The following FAF1 variants were observed in gnomAD, a reference collection of about 807,000 sequenced individuals.
FAF1 encodes Fas associated factor 1.
FAF1 carries 25 observed loss-of-function variants against 92.5 expected under a neutral mutation model. That is an observed-to-expected ratio of 0.27 (90% CI 0.20 to 0.38). The LOEUF is 0.38. Ranked by LOEUF, FAF1 falls within the 10% of genes least tolerant of loss-of-function variation. The probability of loss-of-function intolerance (pLI) is 1.00; values close to 1 mark genes in which losing one functional copy is unlikely to be tolerated. For missense variants in FAF1, 636 were observed against 793.3 expected (o/e 0.80, Z 2.38); for synonymous variants, 234 against 273.2 (o/e 0.86, Z 1.42).
chr1:50,622,033 G>A (rs1653236765), intron 8 of FAF1, among the ~76,000 whole-genome samples: 1 of 152,008 alleles, frequency 6.6e-6, no homozygotes, highest in African/African-American at 2.4e-5. Context: ...GGGCATGGTG[G>A]CAGGTGCCTG....
intron 6 of FAF1, among the ~76,000 whole-genome samples, chr1:50,724,608 C>T (rs1210382491): frequency 1.3e-5 from 2 of 152,226 alleles, no homozygotes; most frequent in Non-Finnish European, 1.5e-5. Flanking sequence ...CATGATGATT[C>T]TCCCCACAAG....
intron 4 of FAF1, among the ~76,000 whole-genome samples, chr1:50,762,822 A>G (rs909093297): frequency 6.6e-6 from 1 of 152,154 alleles, no homozygotes; most frequent in African/African-American, 2.4e-5. Context: ...TGGCAACAAA[A>G]GCCAAAATTG....
In FAF1 at chr1:50,441,287, T is replaced by C. The variant is rs1646163478; in HGVS notation, c.*153A>G. The C allele has an allele frequency of 1.9e-6, 1 of 537,794 alleles. No individual in the cohort carries two copies. Among genetic ancestry groups the C allele is most frequent in the African/African-American group, 1.9e-5 (1 of 52,012 alleles). 33.3% of individuals were successfully genotyped at this position (537,794 alleles called of 1,614,324 possible). On this transcript the variant is annotated 3_prime_UTR_variant, in exon 19 of 19. Transcript: ENST00000396153. ...GGATGGGAAATCTTAAGTAGCTATA[T>C]TTATTATTACTTTTTCCAGCAATTT...
chr1:50,575,119 A>G (rs1358702100), intron 12 of FAF1, among the ~76,000 whole-genome samples: 1 of 152,066 alleles, frequency 6.6e-6, no homozygotes, highest in Non-Finnish European at 1.5e-5. Context: ...CGTGTTAGCC[A>G]GGATGATCTT....
chr1:50,955,391 G>T (rs1372348749), intron 1 of FAF1, among the ~76,000 whole-genome samples: 1 of 152,206 alleles, frequency 6.6e-6, no homozygotes, highest in East Asian at 1.9e-4. Flanking sequence ...AACTGTAGGT[G>T]TACTACTCTA....
chr1:50,863,881 G>A (rs1032916387), intron 1 of FAF1, among the ~76,000 whole-genome samples: 3 of 152,028 alleles, frequency 2.0e-5, no homozygotes, highest in Non-Finnish European at 4.4e-5. Context: ...CAATTTCAGA[G>A]CCTGTTATTG....
intron 9 of FAF1, among the ~76,000 whole-genome samples, chr1:50,593,812 T>G (rs1284183752): frequency 6.6e-6 from 1 of 152,130 alleles, no homozygotes. Flanking sequence ...TAACTCCATT[T>G]CTCTTTCACA....
At chr1:50,863,315 A>C (rs111779227) in intron 1 of FAF1, among the ~76,000 whole-genome samples, 10,041 of 152,010 alleles carry the variant, frequency 0.066, 409 homozygotes, top group East Asian at 0.094. Flanking sequence ...ATTTGAACTT[A>C]ACAATAATAA....
At chr1:50,920,324 A>G (rs1431162186) in intron 1 of FAF1, among the ~76,000 whole-genome samples, 2 of 151,824 alleles carry the variant, frequency 1.3e-5, no homozygotes, top group East Asian at 3.9e-4. Flanking sequence ...AAAAGTAAAG[A>G]AAGAAAATAT....
chr1:50,911,222 C>T (rs1002677707), intron 1 of FAF1, among the ~76,000 whole-genome samples: 1 of 151,468 alleles, frequency 6.6e-6, no homozygotes, highest in African/African-American at 2.4e-5. Flanking sequence ...ACAGGCCACA[C>T]CACCATACCC....
At chr1:50,958,790 T>C (rs1398939065) in intron 1 of FAF1, among the ~76,000 whole-genome samples, 1 of 152,204 alleles carries the variant, frequency 6.6e-6, no homozygotes, top group African/African-American at 2.4e-5. Context: ...ACTAAGCTAG[T>C]GTTAGAACCT....
intron 1 of FAF1, among the ~76,000 whole-genome samples, chr1:50,885,920 G>A (rs1644658436): frequency 6.6e-6 from 1 of 151,936 alleles, no homozygotes; most frequent in African/African-American, 2.4e-5. Flanking sequence ...ATCTTAAGCG[G>A]ATAACAACTT....
rs190454505 is a variant in FAF1 at position 50,634,229 on chromosome 1, C to T, written c.744+21213G>A. Among the ~76,000 whole-genome samples the T allele has an allele frequency of 1.2e-3, 184 of 152,038 alleles. 1 individual carries two copies. Among genetic ancestry groups the T allele is most frequent in the Middle Eastern group, 6.8e-3 (2 of 292 alleles). The stretch of plus-strand genomic sequence containing the variant: ...CAATTAAACACAGTTGTAAGCACCC[C>T]TCTATTTTTGCACATCAAAAAAAAA... On this transcript the variant is annotated intron_variant, in intron 8 of 18. Transcript: ENST00000396153.
intron 8 of FAF1, among the ~76,000 whole-genome samples, chr1:50,621,956 G>A (rs182880654): frequency 6.6e-6 from 1 of 152,074 alleles, no homozygotes; most frequent in Non-Finnish European, 1.5e-5. Flanking sequence ...GCCTGAGGTC[G>A]GAAGTTCGAG....
chr1:50,839,225 T>C (rs1188774727), intron 2 of FAF1, among the ~76,000 whole-genome samples: 1 of 152,070 alleles, frequency 6.6e-6, no homozygotes, highest in Non-Finnish European at 1.5e-5. Flanking sequence ...CTATTATTTT[T>C]ACAAACAAGA....
At chr1:50,596,392 G>C (rs1422087123) in intron 8 of FAF1, among the ~76,000 whole-genome samples, 176 bp from the exon 9 acceptor site, 3 of 152,084 alleles carry the variant, frequency 2.0e-5, no homozygotes, top group Admixed American at 1.3e-4. Context: ...CCACACATGG[G>C]ATGTTATGGT....
chr1:50,888,663 C>G (rs991137182), intron 1 of FAF1, among the ~76,000 whole-genome samples: 2 of 152,270 alleles, frequency 1.3e-5, no homozygotes, highest in African/African-American at 4.8e-5. Flanking sequence ...TGCTGGATTA[C>G]GTTTACTGAT....
intron 18 of FAF1, among the ~76,000 whole-genome samples, chr1:50,446,074 A>G (rs937022252): frequency 6.6e-6 from 1 of 152,190 alleles, no homozygotes; most frequent in Non-Finnish European, 1.5e-5. Flanking sequence ...CCTAGGCCAC[A>G]CTGCGAATCC....
chr1:50,646,975 G>A (rs12071589), intron 8 of FAF1, among the ~76,000 whole-genome samples: 4,735 of 152,170 alleles, frequency 0.031, 240 homozygotes, highest in African/African-American at 0.11. Flanking sequence ...CCTCCTGAGT[G>A]TCTGGGATCA....
Sources: gnomAD v4.1 joint callset for allele counts (sites outside exome capture counted in the v4.1 genomes callset) on GRCh38, gnomAD v4.1.1 for gene constraint, MANE v1.5 for transcripts, NCBI Gene and HGNC (gene_info 2026-07-23, HGNC 2026-07-21) for gene names.